Variants in IFT80 observed in about 807,000 individuals in gnomAD.
IFT80 encodes the protein intraflagellar transport protein 80 homolog.
In IFT80, 79 loss-of-function variants were observed where a neutral mutation model predicts 107.9. The observed-to-expected ratio is 0.73, with a 90% confidence interval of 0.61 to 0.88. IFT80 has a LOEUF of 0.88. Among genes scored for constraint, IFT80 ranks in the 40% least tolerant of loss-of-function variants. The pLI, the probability that IFT80 is intolerant of heterozygous loss-of-function variation, is 0.00. For missense variants in IFT80, 797 were observed against 914.2 expected (o/e 0.87, Z 1.65); for synonymous variants, 299 against 300.9 (o/e 0.99, Z 0.07).
At chr3:160,385,645 A>T (rs142313610) in intron 1 of IFT80, among the ~76,000 whole-genome samples, 5 of 152,290 alleles carry the variant, frequency 3.3e-5, no homozygotes, top group African/African-American at 1.2e-4. Flanking sequence ...AGTTCTCTTA[A>T]GGTGATTTCT....
chr3:160,279,991 C>A (rs1053647170), intron 15 of IFT80, among the ~76,000 whole-genome samples: 1 of 152,106 alleles, frequency 6.6e-6, no homozygotes, highest in Non-Finnish European at 1.5e-5. Flanking sequence ...AGTCCAAATA[C>A]TTTTAAAAAT....
Position 160,279,360 on chromosome 3 carries a change from A to G in IFT80, c.1669T>C (p.Phe557Leu), listed in dbSNP as rs1262163867. Reference sequence around the variant, plus strand: ...CTCACAATATGGGGATTTTTACTAAATTCACTGTTGAAAAAAAAAGCAAAG... The same window carrying G: ...CTCACAATATGGGGATTTTTACTAAGTTCACTGTTGAAAAAAAAAGCAAAG... The part of the protein sequence containing the change: ...KTLYERDASE[F>L]SKNPHIVSFV... The change falls in exon 16 of 20, where the codon TTT (phenylalanine) becomes CTT (leucine). Residue 557 changes from phenylalanine (F) to leucine (L), a missense_variant. Physicochemically the swap from Phe to Leu is conservative, Grantham distance 22. Transcript: ENST00000326448. 1 of 1,611,998 alleles carries G rather than the reference A, an allele frequency of 6.2e-7. No homozygotes were observed. The highest frequency in any genetic ancestry group is 8.5e-7 in the Non-Finnish European group (1 of 1,178,368).
intron 6 of IFT80, among the ~76,000 whole-genome samples, chr3:160,364,205 C>A (rs1399689752): frequency 6.6e-6 from 1 of 152,136 alleles, no homozygotes. Context: ...TATGAACAGA[C>A]GCTTCTCAAA....
rs1334712064 is a variant in IFT80, at chr3:160,303,900, A to T, written c.1151+15T>A. On this transcript the variant is annotated intron_variant, in intron 11 of 19. Coordinates refer to ENST00000326448, the MANE Select transcript of IFT80 (RefSeq NM_020800.3). ...ATTTTAACCCCAGATCCAGTAGTTA[A>T]ACATAATAAATTACCTTTCTGCCTG... The T allele has an allele frequency of 1.3e-6, 2 of 1,537,704 alleles. No individual in the cohort carries two copies. Among genetic ancestry groups the T allele is most frequent in the Non-Finnish European group, 1.8e-6 (2 of 1,110,792 alleles).
intron 5 of IFT80, 90 bp from the exon 6 acceptor site, chr3:160,366,242 C>T: frequency 1.1e-6 from 1 of 900,672 alleles, no homozygotes; most frequent in African/African-American, 1.7e-5. Context: ...ATCAAAAAAG[C>T]CATATGAGGT....
intron 10 of IFT80, among the ~76,000 whole-genome samples, chr3:160,306,808 G>A (rs945727313): frequency 2.0e-5 from 3 of 152,126 alleles, no homozygotes; most frequent in Non-Finnish European, 4.4e-5. Context: ...TGGATACCAA[G>A]ATGATGCTAT....
At chr3:160,343,802 T>G (rs1720089893) in intron 8 of IFT80, 1 of 332,550 alleles carries the variant, frequency 3.0e-6, no homozygotes, top group Non-Finnish European at 6.0e-6. Context: ...GTCTTTCATC[T>G]GATGGAATAA....
At chr3:160,381,747 T>C (rs976934352) in intron 2 of IFT80, 23 bp from the exon 3 acceptor site, 3 of 1,575,578 alleles carry the variant, frequency 1.9e-6, no homozygotes, top group Non-Finnish European at 2.6e-6. Context: ...TAAAGAGACA[T>C]AAAACATACA....
At chr3:160,323,369 G>C (rs1176082213) in intron 8 of IFT80, among the ~76,000 whole-genome samples, 9 of 150,712 alleles carry the variant, frequency 6.0e-5, no homozygotes, top group African/African-American at 2.2e-4. Flanking sequence ...TTATTTCTGA[G>C]GGCTCTGTTC....
intron 3 of IFT80, among the ~76,000 whole-genome samples, chr3:160,379,999 C>A (rs1712337931): frequency 6.6e-6 from 1 of 151,234 alleles, no homozygotes; most frequent in Non-Finnish European, 1.5e-5. Flanking sequence ...TGGCCTGAGG[C>A]TGGATACGCT....
intron 12 of IFT80, chr3:160,299,274 C>T: frequency 1.7e-6 from 2 of 1,154,480 alleles, no homozygotes; most frequent in Non-Finnish European, 2.2e-6. Context: ...TCAGAGAAGG[C>T]CTAAATGAAG....
intron 19 of IFT80, among the ~76,000 whole-genome samples, chr3:160,262,226 T>C (rs983297384): frequency 6.6e-6 from 1 of 152,156 alleles, no homozygotes; most frequent in Non-Finnish European, 1.5e-5. Context: ...CTGGGTTACA[T>C]AGCATTTTCA....
At position 160,319,943 on chromosome 3, in the gene IFT80, G is replaced by T. The variant is rs760577994; in HGVS notation, c.778-4C>A. On this transcript the variant is annotated splice_polypyrimidine_tract_variant and splice_region_variant and intron_variant, in intron 8 of 19. Coordinates refer to ENST00000326448, the MANE Select transcript of IFT80 (RefSeq NM_020800.3). ...GTTTTTCTAATGCATATGACCACTG[G>T]GGGAGAAAAAACAAGAAAAAGATGG... is the stretch of plus-strand genomic sequence containing the variant. 1 of 1,607,158 alleles carries T rather than the reference G, an allele frequency of 6.2e-7. No homozygotes were observed. Among genetic ancestry groups the T allele is most frequent in the South Asian group, 1.1e-5 (1 of 90,310 alleles).
chr3:160,384,615 C>A lies in IFT80; in HGVS notation c.-15G>T. On this transcript the variant is annotated 5_prime_UTR_variant, in exon 2 of 20. Coordinates refer to ENST00000326448, the MANE Select transcript of IFT80 (RefSeq NM_020800.3). ...TTTAGTCTCATGACTCCACTTCCAGCAAAAATTTAAGATGCCACTTGATTG... is the reference window on the plus strand; with the variant it reads ...TTTAGTCTCATGACTCCACTTCCAGAAAAAATTTAAGATGCCACTTGATTG... 3.8e-6 allele frequency: 6 copies of A among 1,583,504 alleles called. No individual in the cohort carries two copies. Among genetic ancestry groups the A allele is most frequent in the Non-Finnish European group, 5.2e-6 (6 of 1,152,962 alleles).
intron 12 of IFT80, among the ~76,000 whole-genome samples, chr3:160,300,219 G>A (rs1716319145): frequency 6.6e-6 from 1 of 151,836 alleles, no homozygotes; most frequent in Non-Finnish European, 1.5e-5. Flanking sequence ...ATTTTTATTT[G>A]CTAATTTTGT....
chr3:160,299,334 G>T (rs1482543675), intron 12 of IFT80: 7 of 631,726 alleles, frequency 1.1e-5, no homozygotes, highest in Non-Finnish European at 1.3e-5. Context: ...CAGTATAAGA[G>T]GTGCTATTAT....
chr3:160,338,414 C>T (rs2108329416), intron 8 of IFT80, among the ~76,000 whole-genome samples: 1 of 152,268 alleles, frequency 6.6e-6, no homozygotes, highest in South Asian at 2.1e-4. Flanking sequence ...AGAAGGATCA[C>T]TTGCATCTAG....
intron 9 of IFT80, among the ~76,000 whole-genome samples, chr3:160,316,464 A>G (rs1230154149): frequency 6.6e-6 from 1 of 152,136 alleles, no homozygotes; most frequent in Admixed American, 6.5e-5. Flanking sequence ...ATGAGAGATA[A>G]TAATTGTTGC....
chr3:160,353,356 G>A (rs1720853099), intron 8 of IFT80, among the ~76,000 whole-genome samples: 1 of 152,116 alleles, frequency 6.6e-6, no homozygotes, highest in African/African-American at 2.4e-5. Context: ...GAGATCAGGG[G>A]CTCAACTCCC....
Sources: gnomAD v4.1 joint callset for allele counts (sites outside exome capture counted in the v4.1 genomes callset) on GRCh38, gnomAD v4.1.1 for gene constraint, MANE v1.5 for transcripts, NCBI Gene and HGNC (gene_info 2026-07-23, HGNC 2026-07-21) for gene names.